The following ABL1 variants were observed in gnomAD, a reference collection of about 807,000 sequenced individuals.
The protein encoded by ABL1 is tyrosine-protein kinase ABL1.
Under a neutral mutation model 94.7 loss-of-function variants are expected in ABL1, and 11 were observed. That is an observed-to-expected ratio of 0.12 (90% CI 0.07 to 0.19). The LOEUF (loss-of-function observed/expected upper bound fraction) is 0.19. ABL1 is among the 10% of genes least tolerant of loss of function. The pLI is 1.00. For missense variants in ABL1, 1,082 were observed against 1,489.4 expected (o/e 0.73, Z 4.50); for synonymous variants, 656 against 622.4 (o/e 1.05, Z -0.80).
intron 1 of ABL1, among the ~76,000 whole-genome samples, chr9:130,838,659 T>C (rs944867880): frequency 1.1e-4 from 16 of 152,250 alleles, no homozygotes; most frequent in African/African-American, 3.6e-4. Context: ...GGACCGCATT[T>C]AGCTTTGCAA....
At chr9:130,830,462 G>A (rs1264391993), upstream of ABL1, among the ~76,000 whole-genome samples, 1 of 152,202 alleles carries the variant, frequency 6.6e-6, no homozygotes, top group Non-Finnish European at 1.5e-5. Flanking sequence ...TAGGATGAAA[G>A]GTGGGGCTCT....
At chr9:130,759,611 A>G (rs573575255) in intron 1 of ABL1, among the ~76,000 whole-genome samples, 2 of 152,338 alleles carry the variant, frequency 1.3e-5, no homozygotes, top group East Asian at 1.9e-4. Context: ...TTATTTAAGA[A>G]TGTACTCGAA....
At position 130,885,113 on chromosome 9, in the gene ABL1, G is replaced by A. The variant is rs776199749; in HGVS notation, c.2823G>A (p.Val941=). Residue 941 remains valine, a synonymous_variant, in exon 11 of 11, where the codon GTG becomes GTA. Coordinates refer to ENST00000318560, the MANE Select transcript of ABL1 (RefSeq NM_005157.6). ...KTKATSLVDA[V]NSDAAKPSQP... Reference sequence around the variant, plus strand: ...AAGCCACGAGTCTGGTTGATGCTGTGAACAGTGACGCTGCCAAGCCCAGCC... The same window carrying A: ...AAGCCACGAGTCTGGTTGATGCTGTAAACAGTGACGCTGCCAAGCCCAGCC... 3 of 1,612,228 alleles carry A rather than the reference G, an allele frequency of 1.9e-6. No individual in the cohort carries two copies. The highest frequency in any genetic ancestry group is 3.3e-5 in the Admixed American group (2 of 59,948).
chr9:130,823,311 C>T (rs1227903337), intron 1 of ABL1, among the ~76,000 whole-genome samples: 1 of 152,128 alleles, frequency 6.6e-6, no homozygotes, highest in Admixed American at 6.5e-5. Flanking sequence ...CTGTTTCAAA[C>T]ACCTCTCCTT....
At chr9:130,736,086 G>T (rs1831738056) in intron 1 of ABL1, among the ~76,000 whole-genome samples, 1 of 151,182 alleles carries the variant, frequency 6.6e-6, no homozygotes, top group Non-Finnish European at 1.5e-5. Flanking sequence ...CTCTCTAGTA[G>T]CTGGAACTAT....
chr9:130,870,639 C>T (rs1719315842), intron 4 of ABL1, among the ~76,000 whole-genome samples: 1 of 152,146 alleles, frequency 6.6e-6, no homozygotes, highest in South Asian at 2.1e-4. Flanking sequence ...CATTAAGGAG[C>T]AGAGAGGGCT....
intron 1 of ABL1, among the ~76,000 whole-genome samples, chr9:130,771,775 A>G (rs1469283844): frequency 1.7e-5 from 1 of 57,394 alleles, no homozygotes; most frequent in South Asian, 4.2e-4. Context: ...TTTTTTTGAG[A>G]CAGAGTCTTA....
chr9:130,866,905 G>C (rs1831166340), intron 4 of ABL1, among the ~76,000 whole-genome samples: 1 of 152,204 alleles, frequency 6.6e-6, no homozygotes, highest in East Asian at 1.9e-4. Context: ...TCAAACTCCT[G>C]GCTCAAGCAG....
At position 130,886,962 on chromosome 9, in the gene ABL1, C is replaced by T. The variant is rs1479624694; in HGVS notation, c.*1279C>T. On this transcript the variant is annotated 3_prime_UTR_variant, in exon 11 of 11. Transcript: ENST00000318560. The stretch of plus-strand genomic sequence containing the variant: ...CAGGGAGGGTTAGGAAAACCACAAA[C>T]GGAGCCCCTGAAAGCCTCACGTATT... The T allele has an allele frequency of 3.0e-5, 7 of 232,742 alleles. No individual in the cohort carries two copies. The highest frequency in any genetic ancestry group is 5.9e-5 in the Non-Finnish European group (7 of 117,794). The allele number at this position is 232,742 out of a possible 1,614,324, so 14.4% of individuals were successfully genotyped here. A position where few individuals can be genotyped will look rare whatever the true frequency, so the allele number is the denominator to read the frequency against.
intron 1 of ABL1, among the ~76,000 whole-genome samples, chr9:130,730,046 C>CTTCTTTTTTTTT (rs1831642349): frequency 9.3e-6 from 1 of 107,168 alleles, no homozygotes; most frequent in African/African-American, 3.9e-5. Flanking sequence ...CCCAGCCAGA[C>CTTCTTTTTTTTT]TTTTTTTTTT....
chr9:130,872,062 G>A lies in ABL1; in HGVS notation c.823-67G>A, dbSNP rs1418844388. 2 of 1,448,374 alleles carry A rather than the reference G, an allele frequency of 1.4e-6. No homozygotes were observed. Among genetic ancestry groups the A allele is most frequent in the Non-Finnish European group, 1.9e-6 (2 of 1,036,786 alleles). 89.7% of individuals were successfully genotyped at this position (1,448,374 alleles called of 1,614,324 possible). On this transcript the variant is annotated intron_variant, in intron 4 of 10. Coordinates refer to ENST00000318560, the MANE Select transcript of ABL1 (RefSeq NM_005157.6). This position sits in a 1 kb window ranked among gnomAD's most constrained non-coding sequence, Gnocchi z 5.0. ...CTGAAGCTCCATTTTGCATTAACTAGTCAAGTACTTACCCACTGAAAAGCA... is the reference window on the plus strand; with the variant it reads ...CTGAAGCTCCATTTTGCATTAACTAATCAAGTACTTACCCACTGAAAAGCA...
chr9:130,801,808 A>G (rs1830059286), intron 1 of ABL1, among the ~76,000 whole-genome samples: 1 of 151,980 alleles, frequency 6.6e-6, no homozygotes, highest in African/African-American at 2.4e-5. Context: ...CTGTTCCCAT[A>G]CCTGCCCTTT....
intron 4 of ABL1, among the ~76,000 whole-genome samples, chr9:130,868,562 A>G (rs1831198519): frequency 8.2e-6 from 1 of 121,648 alleles, no homozygotes; most frequent in African/African-American, 3.2e-5. Flanking sequence ...TTTGCCCAGT[A>G]GTTCAGGCTG....
At chr9:130,804,275 C>T (rs1159975693) in intron 1 of ABL1, among the ~76,000 whole-genome samples, 2 of 148,416 alleles carry the variant, frequency 1.3e-5, no homozygotes, top group Non-Finnish European at 3.0e-5. Flanking sequence ...AGAAAAACGG[C>T]GTGAACCCAG....
intron 1 of ABL1, among the ~76,000 whole-genome samples, chr9:130,765,422 C>G (rs145168635): frequency 6.6e-6 from 1 of 152,330 alleles, no homozygotes; most frequent in Non-Finnish European, 1.5e-5. Flanking sequence ...ATTCATTTCC[C>G]TAAGCCTCAA....
intron 1 of ABL1, among the ~76,000 whole-genome samples, chr9:130,770,210 T>C (rs1193267759): frequency 6.6e-6 from 1 of 152,056 alleles, no homozygotes; most frequent in African/African-American, 2.4e-5. Context: ...CCTAGAAGAT[T>C]ATTAAGATTT....
chr9:130,869,190 G>A, intron 4 of ABL1, among the ~76,000 whole-genome samples: 1 of 152,048 alleles, frequency 6.6e-6, no homozygotes, highest in East Asian at 1.9e-4. Flanking sequence ...AAATACCTGT[G>A]AGATGTTGAG....
chr9:130,858,437 C>G (rs1222673485), intron 3 of ABL1, among the ~76,000 whole-genome samples: 1 of 152,146 alleles, frequency 6.6e-6, no homozygotes, highest in Non-Finnish European at 1.5e-5. Context: ...CCCTTGGCGT[C>G]TTGCCTCCTC....
intron 1 of ABL1, among the ~76,000 whole-genome samples, chr9:130,730,063 G>C (rs145384603): frequency 8.0e-5 from 3 of 37,624 alleles, no homozygotes; most frequent in African/African-American, 7.2e-4. Context: ...TTTTTTTTGA[G>C]ATGGAATTCT....
Sources: gnomAD v4.1 joint callset for allele counts (sites outside exome capture counted in the v4.1 genomes callset) on GRCh38, gnomAD v4.1.1 for gene constraint, Gnocchi (gnomAD v3.1) non-coding constraint, MANE v1.5 for transcripts, NCBI Gene and HGNC (gene_info 2026-07-23, HGNC 2026-07-21) for gene names.